Variants in ARHGAP24 observed in about 807,000 individuals in gnomAD.
ARHGAP24 encodes the protein rho GTPase-activating protein 24.
Under a neutral mutation model 76.4 loss-of-function variants are expected in ARHGAP24, and 50 were observed. The ratio of observed to expected loss-of-function variants is 0.65; its 90% CI spans 0.52 to 0.83. The LOEUF (loss-of-function observed/expected upper bound fraction) is 0.83, where lower values mean the gene tolerates loss of function less well. Ranked by LOEUF, ARHGAP24 falls within the 40% of genes least tolerant of loss-of-function variation. The probability of loss-of-function intolerance (pLI) is 0.00; values close to 1 mark genes in which losing one functional copy is unlikely to be tolerated. For missense variants in ARHGAP24, 930 were observed against 914.2 expected (o/e 1.02, Z -0.22); for synonymous variants, 345 against 323.3 (o/e 1.07, Z -0.72).
intron 3 of ARHGAP24, among the ~76,000 whole-genome samples, chr4:85,890,775 T>A (rs1733843335): frequency 6.6e-6 from 1 of 152,280 alleles, no homozygotes; most frequent in African/African-American, 2.4e-5. Flanking sequence ...ACTGGGGACC[T>A]TATCCTCTCT....
At chr4:85,625,915 T>A (rs1002670084) in intron 2 of ARHGAP24, among the ~76,000 whole-genome samples, 7 of 152,198 alleles carry the variant, frequency 4.6e-5, no homozygotes, top group Non-Finnish European at 7.3e-5. Context: ...TTGTTTTCTA[T>A]TTGCTTGGTA....
At chr4:85,904,422 G>A (rs1180988256) in intron 3 of ARHGAP24, among the ~76,000 whole-genome samples, 4 of 152,144 alleles carry the variant, frequency 2.6e-5, no homozygotes, top group Non-Finnish European at 5.9e-5. Flanking sequence ...GCCCATTATT[G>A]GAACACTTCC....
intron 7 of ARHGAP24, among the ~76,000 whole-genome samples, chr4:85,976,181 G>A (rs1203118944): frequency 6.6e-6 from 1 of 152,164 alleles, no homozygotes; most frequent in African/African-American, 2.4e-5. Flanking sequence ...AAAGATTTAA[G>A]CAGATTTTTA....
chr4:85,849,920 G>A (rs1473722026), intron 3 of ARHGAP24, among the ~76,000 whole-genome samples: 4 of 151,866 alleles, frequency 2.6e-5, no homozygotes, highest in Non-Finnish European at 5.9e-5. Context: ...TTTTTTTCTT[G>A]TTTCTCTGCC....
At chr4:85,669,073 A>G (rs1342225022) in intron 2 of ARHGAP24, among the ~76,000 whole-genome samples, 1 of 152,040 alleles carries the variant, frequency 6.6e-6, no homozygotes, top group Non-Finnish European at 1.5e-5. Context: ...GAGTGACAGA[A>G]ATTGCTCTAG....
intron 2 of ARHGAP24, among the ~76,000 whole-genome samples, chr4:85,664,153 T>G (rs1371710738): frequency 5.3e-5 from 8 of 151,574 alleles, no homozygotes; most frequent in East Asian, 1.9e-4. Flanking sequence ...GACTCTTTTT[T>G]GTTGGTAAGC....
chr4:85,575,114 C>T (rs1262543736), intron 2 of ARHGAP24, among the ~76,000 whole-genome samples: 1 of 152,042 alleles, frequency 6.6e-6, no homozygotes, highest in Non-Finnish European at 1.5e-5. Flanking sequence ...ACTAAACATC[C>T]TCATTATCCT....
intron 3 of ARHGAP24, among the ~76,000 whole-genome samples, chr4:85,865,391 C>G (rs1291094063): frequency 6.7e-6 from 1 of 150,036 alleles, no homozygotes; most frequent in Non-Finnish European, 1.5e-5. Context: ...GTTAACCACC[C>G]TAAATAATGC....
chr4:85,748,895 C>T (rs1004370056), intron 3 of ARHGAP24, among the ~76,000 whole-genome samples: 1 of 152,180 alleles, frequency 6.6e-6, no homozygotes, highest in African/African-American at 2.4e-5. Context: ...TTCTCTCCGG[C>T]TCTTGTCCTC....
intron 1 of ARHGAP24, among the ~76,000 whole-genome samples, chr4:85,476,588 T>C (rs553536450): frequency 6.6e-6 from 1 of 152,274 alleles, no homozygotes; most frequent in African/African-American, 2.4e-5. Flanking sequence ...GTAAGACAAA[T>C]TCATTGGAAT....
intron 2 of ARHGAP24, among the ~76,000 whole-genome samples, chr4:85,624,250 G>C (rs1472404216): frequency 6.6e-6 from 1 of 152,048 alleles, no homozygotes; most frequent in East Asian, 1.9e-4. Context: ...ATTATTTTGA[G>C]ATATGTCCCA....
chr4:85,575,993 G>C (rs1340725360), intron 2 of ARHGAP24, among the ~76,000 whole-genome samples: 1 of 152,144 alleles, frequency 6.6e-6, no homozygotes, highest in Non-Finnish European at 1.5e-5. Context: ...CAATTATGTG[G>C]GGAAGGTTTT....
At chr4:85,515,327 C>G (rs1724453050) in intron 1 of ARHGAP24, among the ~76,000 whole-genome samples, 1 of 150,076 alleles carries the variant, frequency 6.7e-6, no homozygotes, top group African/African-American at 2.4e-5. Flanking sequence ...AGTCTCCCTT[C>G]TATCTATAAC....
At chr4:85,850,524 C>A (rs1325613577) in intron 3 of ARHGAP24, among the ~76,000 whole-genome samples, 1 of 152,110 alleles carries the variant, frequency 6.6e-6, no homozygotes, top group Non-Finnish European at 1.5e-5. Context: ...CTTCTCAGTT[C>A]TTTTAACTGT....
At chr4:85,976,495 G>A (rs962380372) in intron 7 of ARHGAP24, among the ~76,000 whole-genome samples, 6 of 152,108 alleles carry the variant, frequency 3.9e-5, no homozygotes, top group Admixed American at 3.3e-4. Context: ...TAATAAATTA[G>A]CACTGTGACA....
intron 1 of ARHGAP24, 21 bp from the exon 2 acceptor site, chr4:85,570,501 T>C (rs146002567): frequency 5.6e-6 from 9 of 1,607,518 alleles, no homozygotes; most frequent in Non-Finnish European, 7.7e-6. Context: ...TTATTTTCCT[T>C]TCTTTTTGTT....
chr4:85,876,284 AT>A (rs1732933409), intron 3 of ARHGAP24, among the ~76,000 whole-genome samples: 1 of 152,130 alleles, frequency 6.6e-6, no homozygotes, highest in Non-Finnish European at 1.5e-5. Flanking sequence ...TAGAATGTTT[AT>A]CTTGTAATTT....
At chr4:85,587,931 A>G (rs1454748443) in intron 2 of ARHGAP24, among the ~76,000 whole-genome samples, 1 of 152,236 alleles carries the variant, frequency 6.6e-6, no homozygotes, top group Non-Finnish European at 1.5e-5. Context: ...TAGACAGACA[A>G]TACTGGTGCA....
intron 3 of ARHGAP24, among the ~76,000 whole-genome samples, chr4:85,755,635 TGTTTTG>T (rs1726456508): frequency 2.2e-5 from 2 of 92,928 alleles, no homozygotes; most frequent in African/African-American, 6.2e-5. Flanking sequence ...TGTTTTGTTT[TGTTTTG>T]TTTTGTTTTG....
Sources: allele counts gnomAD v4.1 joint callset (sites outside exome capture counted in the v4.1 genomes callset), GRCh38; gene constraint gnomAD v4.1.1; transcripts MANE v1.5; gene names NCBI Gene and HGNC (gene_info 2026-07-23, HGNC 2026-07-21).